CCDC18: variants seen among roughly 807,000 people sequenced by gnomAD.
The protein encoded by CCDC18 is coiled-coil domain-containing protein 18.
Under a neutral mutation model 196.0 loss-of-function variants are expected in CCDC18, and 157 were observed. The observed-to-expected ratio is 0.80, with a 90% CI of 0.70 to 0.91. The LOEUF is 0.91. CCDC18 is among the 40% of genes least tolerant of loss of function. CCDC18 has a pLI of 0.00. For missense variants in CCDC18, 1,465 were observed against 1,611.6 expected (o/e 0.91, Z 1.56); for synonymous variants, 482 against 529.2 (o/e 0.91, Z 1.22).
intron 12 of CCDC18, 100 bp downstream of exon 12, chr1:93,215,066 T>TAA: frequency 1.5e-6 from 1 of 679,798 alleles, no homozygotes; most frequent in South Asian, 3.1e-5. Flanking sequence ...CATCCAGATT[T>TAA]AAAGTTTTTA....
chr1:93,194,226 T>G (rs1389321790), intron 6 of CCDC18, among the ~76,000 whole-genome samples: 2 of 152,164 alleles, frequency 1.3e-5, no homozygotes, highest in African/African-American at 4.8e-5. Context: ...ATATCTATTT[T>G]GTATAAATTA....
intron 26 of CCDC18, among the ~76,000 whole-genome samples, chr1:93,263,091 G>C (rs12027142): frequency 0.095 from 14,457 of 152,066 alleles, 946 homozygotes; most frequent in East Asian, 0.28. Context: ...TCTTGAGGCT[G>C]CACAGAGCAG....
chr1:93,180,594 C>T (rs1649388487), upstream of CCDC18: 3 of 1,377,224 alleles, frequency 2.2e-6, no homozygotes, highest in Non-Finnish European at 2.9e-6. Context: ...CGGGCGGGCT[C>T]CGCTAGTGGG....
At chr1:93,189,879 C>A (rs1381467917) in intron 4 of CCDC18, among the ~76,000 whole-genome samples, 1 of 152,050 alleles carries the variant, frequency 6.6e-6, no homozygotes, top group East Asian at 1.9e-4. Flanking sequence ...GTTGCCCAGG[C>A]TGATTTTGAA....
At chr1:93,267,854 A>C (rs1057452922) in intron 27 of CCDC18, among the ~76,000 whole-genome samples, 1 of 152,212 alleles carries the variant, frequency 6.6e-6, no homozygotes, top group Non-Finnish European at 1.5e-5. Context: ...GAAAATGGCC[A>C]TACTGCCCAA....
chr1:93,206,989 T>C, intron 8 of CCDC18, 118 bp from the exon 9 acceptor site: 1 of 564,210 alleles, frequency 1.8e-6, no homozygotes, highest in Non-Finnish European at 3.0e-6. Flanking sequence ...TTAGTAAATG[T>C]GAGCAGGTAT....
In CCDC18 at chr1:93,257,942, C is replaced by G. The variant is rs565772906; in HGVS notation, c.3547-806C>G. 7.9e-4 allele frequency among the ~76,000 whole-genome samples: 120 copies of G among 151,904 alleles called. 1 individual carries two copies. The highest frequency in any genetic ancestry group is 2.2e-3 in the African/African-American group (92 of 41,490). ...ATGAGTCATTTGATTAGAATTCTAC[C>G]TAGTCTTTCTCACATAACTAGACTC... On this transcript the variant is annotated intron_variant, in intron 25 of 28. Transcript: ENST00000690025.
rs755481951 is a variant in CCDC18 at position 93,278,505 on chromosome 1, A to C, written c.*28A>C. ...CAAAGAAGATACTGATGTGTTGAAA[A>C]AATGGAATTTTTGGTACTGTGCTGT... is the stretch of plus-strand genomic sequence containing the variant. On this transcript the variant is annotated 3_prime_UTR_variant, in exon 29 of 29. Coordinates refer to ENST00000690025, the MANE Select transcript of CCDC18 (RefSeq NM_001378204.1). 4.0e-6 allele frequency: 5 copies of C among 1,262,130 alleles called. No individual in the cohort carries two copies. Among genetic ancestry groups the C allele is most frequent in the Non-Finnish European group, 5.4e-6 (5 of 933,122 alleles). 78.2% of individuals were successfully genotyped at this position (1,262,130 alleles called of 1,614,324 possible).
intron 27 of CCDC18, among the ~76,000 whole-genome samples, chr1:93,265,534 A>G (rs1373058780): frequency 6.6e-6 from 1 of 152,214 alleles, no homozygotes; most frequent in African/African-American, 2.4e-5. Context: ...AGGAAAAAGA[A>G]AAAGACTGCA....
intron 10 of CCDC18, among the ~76,000 whole-genome samples, 155 bp from the exon 11 acceptor site, chr1:93,211,946 C>T (rs750998153): frequency 6.6e-6 from 1 of 152,140 alleles, no homozygotes; most frequent in Non-Finnish European, 1.5e-5. Context: ...TATAATTCTA[C>T]AGTGGTATAT....
rs756056691 is a variant in CCDC18 at position 93,221,945 on chromosome 1, G to A, written c.2175+9G>A. 6.0e-6 allele frequency: 9 copies of A among 1,493,456 alleles called. No individual in the cohort carries two copies. The South Asian group carries it at 7.3e-5, about 12-fold the overall frequency. The allele number at this position is 1,493,456 out of a possible 1,614,324, so 92.5% of individuals were successfully genotyped here. A position where few individuals can be genotyped will look rare whatever the true frequency, so the allele number is the denominator to read the frequency against. ...CTGAAGAAACAATCAAGGCTAGTAT[G>A]CTAATACTTTATTTTTCTTTCTTTC... On this transcript the variant is annotated intron_variant, in intron 16 of 28. Transcript: ENST00000690025.
chr1:93,186,348 T>G lies in CCDC18; in HGVS notation c.307T>G (p.Phe103Val). Residue 103 changes from phenylalanine to valine, a missense_variant, in exon 4 of 29, where the codon TTT (phenylalanine) becomes GTT (valine). Physicochemically the swap from Phe to Val is conservative, Grantham distance 50 (BLOSUM62 -1). Transcript: ENST00000690025. Reference protein sequence around the residue: ...DFQKKPRDKMFSSSAPVDQEI... With the variant: ...DFQKKPRDKMVSSSAPVDQEI... ...TTGTTCTTTTTCATTCTTTCAGATG[T>G]TTTCATCTTCTGCCCCTGTGGATCA... is the stretch of plus-strand genomic sequence containing the variant. 1.9e-6 allele frequency: 3 copies of G among 1,609,890 alleles called. No individual in the cohort carries two copies.
At chr1:93,266,046 A>C (rs1486758807) in intron 27 of CCDC18, among the ~76,000 whole-genome samples, 2 of 152,356 alleles carry the variant, frequency 1.3e-5, no homozygotes, top group East Asian at 3.9e-4. Context: ...AGTTGGAAAT[A>C]AAGCATTCTT....
At chr1:93,188,045 A>G (rs185410126) in intron 4 of CCDC18, among the ~76,000 whole-genome samples, 17 of 152,344 alleles carry the variant, frequency 1.1e-4, no homozygotes, top group Admixed American at 2.0e-4. Context: ...AATAACTACG[A>G]ACTAATAGCA....
intron 6 of CCDC18, among the ~76,000 whole-genome samples, chr1:93,197,461 A>T (rs1270517674): frequency 6.6e-6 from 1 of 152,170 alleles, no homozygotes; most frequent in Non-Finnish European, 1.5e-5. Flanking sequence ...CAGCAAAATA[A>T]AATTTAACAA....
At chr1:93,202,021 T>C (rs1653918405) in intron 7 of CCDC18, 33 bp downstream of exon 7, 1 of 1,208,362 alleles carries the variant, frequency 8.3e-7, no homozygotes, top group Non-Finnish European at 1.2e-6. Flanking sequence ...CAGTGTTTTG[T>C]ATTACTGTCT....
At chr1:93,212,352 AATTT>A in intron 11 of CCDC18, 91 bp downstream of exon 11, 4 of 817,430 alleles carry the variant, frequency 4.9e-6, no homozygotes, top group Non-Finnish European at 7.1e-6. Context: ...TTTTTTTTTT[AATTT>A]AAGTTCAGGG....
chr1:93,272,141 A>T (rs895264391), intron 28 of CCDC18, among the ~76,000 whole-genome samples: 12 of 152,216 alleles, frequency 7.9e-5, no homozygotes, highest in African/African-American at 2.9e-4. Flanking sequence ...ACAAAGAAAA[A>T]TTGTTGAGTG....
chr1:93,233,388 T>C (rs1369618922), intron 18 of CCDC18, among the ~76,000 whole-genome samples: 1 of 152,234 alleles, frequency 6.6e-6, no homozygotes, highest in East Asian at 1.9e-4. Flanking sequence ...TCTTTAGATA[T>C]TTTACATTCT....
Sources: gnomAD v4.1 joint callset for allele counts (sites outside exome capture counted in the v4.1 genomes callset) on GRCh38, gnomAD v4.1.1 for gene constraint, MANE v1.5 for transcripts, NCBI Gene and HGNC (gene_info 2026-07-23, HGNC 2026-07-21) for gene names.